Variants in GRIK4 observed in about 807,000 individuals in gnomAD.
GRIK4 encodes the protein glutamate receptor ionotropic, kainate 4.
Under a neutral mutation model 104.9 loss-of-function variants are expected in GRIK4, and 40 were observed. The ratio of observed to expected loss-of-function variants is 0.38; its 90% CI spans 0.30 to 0.50. The LOEUF (loss-of-function observed/expected upper bound fraction) is 0.50. Ranked by LOEUF, GRIK4 falls within the 20% of genes least tolerant of loss-of-function variation. The probability of loss-of-function intolerance (pLI) is 0.93; values close to 1 mark genes in which losing one functional copy is unlikely to be tolerated. For missense variants in GRIK4, 1,047 were observed against 1,308.1 expected (o/e 0.80, Z 3.08); for synonymous variants, 485 against 524.9 (o/e 0.92, Z 1.04).
chr11:120,580,487 G>A (rs1948565737), intron 1 of GRIK4, among the ~76,000 whole-genome samples: 1 of 151,924 alleles, frequency 6.6e-6, no homozygotes, highest in Non-Finnish European at 1.5e-5. Context: ...TGTTGGCCAG[G>A]CTGGTCTCAA....
chr11:120,671,078 A>C (rs1180830848), intron 3 of GRIK4, among the ~76,000 whole-genome samples: 4 of 152,182 alleles, frequency 2.6e-5, no homozygotes, highest in African/African-American at 9.7e-5. Context: ...TATATGTGCC[A>C]CATTTTCTTT....
intron 6 of GRIK4, among the ~76,000 whole-genome samples, chr11:120,828,146 A>G (rs1395409062): frequency 2.0e-5 from 3 of 152,184 alleles, no homozygotes; most frequent in Admixed American, 2.0e-4. Flanking sequence ...TCTCTACATC[A>G]GTCCAATCCA....
At chr11:120,586,735 C>T (rs1050511784) in intron 1 of GRIK4, among the ~76,000 whole-genome samples, 12 of 152,158 alleles carry the variant, frequency 7.9e-5, no homozygotes, top group African/African-American at 1.7e-4. Context: ...ACCCTTCCTC[C>T]GACCTGGAGA....
At chr11:120,759,747 T>C (rs539311164) in intron 3 of GRIK4, among the ~76,000 whole-genome samples, 2 of 151,784 alleles carry the variant, frequency 1.3e-5, no homozygotes, top group African/African-American at 4.8e-5. Flanking sequence ...ATTGGCAGAG[T>C]TTTTCCATGA....
At chr11:120,637,880 A>G (rs539899746) in intron 1 of GRIK4, among the ~76,000 whole-genome samples, 125 of 151,324 alleles carry the variant, frequency 8.3e-4, no homozygotes, top group Non-Finnish European at 1.7e-3. Flanking sequence ...GCATATGTTT[A>G]TTATTATTAT....
chr11:120,626,187 TA>T (rs1949256220), intron 1 of GRIK4, among the ~76,000 whole-genome samples: 5 of 152,192 alleles, frequency 3.3e-5, no homozygotes, highest in Admixed American at 3.3e-4. Flanking sequence ...TTTGAGTCCT[TA>T]GAGCTGCTAT....
intron 11 of GRIK4, among the ~76,000 whole-genome samples, chr11:120,880,447 A>G (rs1362376271): frequency 1.3e-5 from 2 of 152,230 alleles, no homozygotes; most frequent in Non-Finnish European, 2.9e-5. Context: ...ATCTACATTC[A>G]TACAGCCAGT....
chr11:120,702,990 A>C (rs551571961), intron 3 of GRIK4, among the ~76,000 whole-genome samples: 161 of 152,264 alleles, frequency 1.1e-3, no homozygotes, highest in Non-Finnish European at 1.7e-3. Flanking sequence ...ATTTAAGATG[A>C]AGAAAATGAG....
intron 3 of GRIK4, among the ~76,000 whole-genome samples, chr11:120,736,210 G>A (rs900621215): frequency 6.6e-6 from 1 of 152,106 alleles, no homozygotes; most frequent in African/African-American, 2.4e-5. Context: ...TCTGGGCCAC[G>A]GTGTGTCTAG....
At position 120,875,146 on chromosome 11, in the gene GRIK4, T is replaced by C; in HGVS notation, c.1067T>C (p.Leu356Ser). ...TCACTCTCTCTTGGACAGGTAGAATTGGAAGGTCTTACCGGCCACATTGAA... is the reference window on the plus strand; with the variant it reads ...TCACTCTCTCTTGGACAGGTAGAATCGGAAGGTCTTACCGGCCACATTGAA... ...SLMNYLRMVE[L>S]EGLTGHIEFN... The change falls in exon 11 of 21, where the codon TTG becomes TCG. Residue 356 changes from leucine (L) to serine (S), a missense_variant. Physicochemically the swap from Leu to Ser is moderately radical, Grantham distance 145. Transcript: ENST00000527524. The C allele has an allele frequency of 6.2e-7, 1 of 1,603,428 alleles. No individual in the cohort carries two copies. Among genetic ancestry groups the C allele is most frequent in the East Asian group, 2.2e-5 (1 of 44,782 alleles).
chr11:120,697,106 G>T (rs1267360742), intron 3 of GRIK4, among the ~76,000 whole-genome samples: 1 of 152,072 alleles, frequency 6.6e-6, no homozygotes, highest in Non-Finnish European at 1.5e-5. Flanking sequence ...CCTTCCTGAC[G>T]GTATCACTCC....
chr11:120,634,796 G>A (rs1001766856), intron 1 of GRIK4, among the ~76,000 whole-genome samples: 6 of 152,114 alleles, frequency 3.9e-5, no homozygotes, highest in Non-Finnish European at 7.4e-5. Context: ...ACCTTGCCAG[G>A]GCTTCCCTTC....
chr11:120,829,071 C>T (rs1953351968), intron 6 of GRIK4, among the ~76,000 whole-genome samples: 1 of 152,196 alleles, frequency 6.6e-6, no homozygotes, highest in African/African-American at 2.4e-5. Context: ...AATTTGGCCT[C>T]TTTCCCAGTC....
chr11:120,974,788 T>C (rs1208990674), intron 19 of GRIK4, among the ~76,000 whole-genome samples: 3 of 152,186 alleles, frequency 2.0e-5, no homozygotes, highest in Non-Finnish European at 4.4e-5. Flanking sequence ...GCTAAAAAAA[T>C]GAAACGGCAG....
At chr11:120,917,843 C>T (rs557665054) in intron 13 of GRIK4, among the ~76,000 whole-genome samples, 1 of 152,296 alleles carries the variant, frequency 6.6e-6, no homozygotes, top group African/African-American at 2.4e-5. Flanking sequence ...ATTATTTCCA[C>T]CTTCCCCACT....
rs1807758251 is a variant in GRIK4, at chr11:120,884,040, G to A, written c.1164+8797G>A. On this transcript the variant is annotated intron_variant, in intron 11 of 20. Coordinates refer to ENST00000527524, the MANE Select transcript of GRIK4 (RefSeq NM_014619.5). The stretch of plus-strand genomic sequence containing the variant: ...AAAGAACAAAGGTGGATCCAGGGAG[G>A]TGAGGGAGCCACATGCAGCAGCAGG... Among the ~76,000 whole-genome samples the A allele has an allele frequency of 2.6e-5, 4 of 152,336 alleles. 1 individual carries two copies. The South Asian group carries it at 8.3e-4, about 32-fold the overall frequency.
chr11:120,667,004 G>A (rs1423360933), intron 3 of GRIK4, among the ~76,000 whole-genome samples: 1 of 152,190 alleles, frequency 6.6e-6, no homozygotes, highest in Non-Finnish European at 1.5e-5. Context: ...CCAGGCAGAT[G>A]GAATGGGCTT....
Position 120,541,498 on chromosome 11 carries a change from C to CT in GRIK4, c.-159+29622dup, listed in dbSNP as rs1022127961. ...ACAGGTAGGTGTCAGGAAAAATACTCTTTTTTTTTTTCTGAGGTAGCGCCT... is the reference window on the plus strand; with the variant it reads ...ACAGGTAGGTGTCAGGAAAAATACTCTTTTTTTTTTTTCTGAGGTAGCGCCT... On this transcript the variant is annotated intron_variant, in intron 1 of 20. Transcript: ENST00000527524. Among the ~76,000 whole-genome samples the CT allele has an allele frequency of 4.7e-3, 689 of 147,824 alleles. 2 individuals carry two copies. Among genetic ancestry groups the CT allele is most frequent in the African/African-American group, 0.013 (533 of 40,420 alleles).
At chr11:120,587,620 G>A (rs961833627) in intron 1 of GRIK4, among the ~76,000 whole-genome samples, 5 of 152,192 alleles carry the variant, frequency 3.3e-5, no homozygotes, top group Admixed American at 1.3e-4. Context: ...CCAGTAACTT[G>A]TGAGGGGAGC....
Sources: allele counts gnomAD v4.1 joint callset (sites outside exome capture counted in the v4.1 genomes callset), GRCh38; gene constraint gnomAD v4.1.1; transcripts MANE v1.5; gene names NCBI Gene and HGNC (gene_info 2026-07-23, HGNC 2026-07-21).